The following AGAP1 variants were observed in gnomAD, a reference collection of about 807,000 sequenced individuals.
AGAP1 encodes the protein arf-GAP with GTPase, ANK repeat and PH domain-containing protein 1.
Under a neutral mutation model 105.3 loss-of-function variants are expected in AGAP1, and 29 were observed. The ratio of observed to expected loss-of-function variants is 0.28; its 90% CI spans 0.21 to 0.38. AGAP1 has a LOEUF of 0.38. AGAP1 is among the 10% of genes least tolerant of loss of function. The pLI, the probability that AGAP1 is intolerant of heterozygous loss-of-function variation, is 1.00. For missense variants in AGAP1, 998 were observed against 1,165.1 expected, an observed-to-expected ratio of 0.86 and a Z score of 2.09; for synonymous variants, 509 against 485.9, an observed-to-expected ratio of 1.05 and a Z score of -0.63.
At chr2:235,771,195 A>C (rs1955415865) in intron 6 of AGAP1, among the ~76,000 whole-genome samples, 1 of 152,220 alleles carries the variant, frequency 6.6e-6, no homozygotes, top group Non-Finnish European at 1.5e-5. Flanking sequence ...CTTTGAGAAA[A>C]TTAAGTTTCT....
Position 235,663,478 on chromosome 2 carries a change from ATC to A in AGAP1, c.164-45697_164-45696del, listed in dbSNP as rs1948028661. Among the ~76,000 whole-genome samples the A allele has an allele frequency of 6.6e-6, 1 of 152,144 alleles. No individual in the cohort carries two copies. Among genetic ancestry groups the A allele is most frequent in the Non-Finnish European group, 1.5e-5 (1 of 68,028 alleles). The stretch of plus-strand genomic sequence containing the variant: ...GGCACAGATAAAAGAGTTTTCAGAT[ATC>A]TCTGCAGCCAAATCCCAAATGGGAT... On this transcript the variant is annotated intron_variant, in intron 1 of 17. Coordinates refer to ENST00000304032, the MANE Select transcript of AGAP1 (RefSeq NM_001037131.3). This position sits in a 1 kb window ranked among gnomAD's most constrained non-coding sequence, Gnocchi z 5.4.
intron 9 of AGAP1, among the ~76,000 whole-genome samples, chr2:235,876,217 T>G (rs2049719336): frequency 6.6e-6 from 1 of 152,200 alleles, no homozygotes; most frequent in Admixed American, 6.5e-5. Context: ...CTTTTTACTA[T>G]CAATTTATGT....
At chr2:235,815,639 G>A (rs1477688290) in intron 9 of AGAP1, among the ~76,000 whole-genome samples, 2 of 152,066 alleles carry the variant, frequency 1.3e-5, no homozygotes, top group Non-Finnish European at 2.9e-5. Context: ...GTCATATAAG[G>A]TAAGGCCACT....
Position 235,622,461 on chromosome 2 carries a change from C to CA in AGAP1, c.164-86716dup, listed in dbSNP as rs1946515243. 6.6e-6 allele frequency among the ~76,000 whole-genome samples: 1 copy of CA among 152,162 alleles called. No homozygotes were observed. The highest frequency in any genetic ancestry group is 1.5e-5 in the Non-Finnish European group (1 of 68,032). On this transcript the variant is annotated intron_variant, in intron 1 of 17. Coordinates refer to ENST00000304032, the MANE Select transcript of AGAP1 (RefSeq NM_001037131.3). The surrounding 1 kb of genome is among the most constrained non-coding windows in gnomAD (Gnocchi z 5.0). ...TGGATCTAGACCTGGTGCCTGGACT[C>CA]AATCTGCAGAGACAGGTGTCTGGGA...
At chr2:235,505,543 T>TG (rs1425975355) in intron 1 of AGAP1, among the ~76,000 whole-genome samples, 2 of 152,192 alleles carry the variant, frequency 1.3e-5, no homozygotes, top group Non-Finnish European at 2.9e-5. Flanking sequence ...GCCTCTGCAC[T>TG]GGGCAGAGCG....
chr2:236,120,170 C>G lies in AGAP1; in HGVS notation c.2115-22C>G, dbSNP rs1470204722. On this transcript the variant is annotated intron_variant, in intron 16 of 17. Coordinates refer to ENST00000304032, the MANE Select transcript of AGAP1 (RefSeq NM_001037131.3). This position sits in a 1 kb window ranked among gnomAD's most constrained non-coding sequence, Gnocchi z 6.0. Reference sequence around the variant, plus strand: ...GTTCTCGGGCCTGATCGTGACTGCACCTGTCTGGTGGCTCTTTGCAGGGAA... The same window carrying G: ...GTTCTCGGGCCTGATCGTGACTGCAGCTGTCTGGTGGCTCTTTGCAGGGAA... 1.9e-6 allele frequency: 3 copies of G among 1,597,848 alleles called. No homozygotes were observed. The highest frequency in any genetic ancestry group is 4.5e-5 in the East Asian group (2 of 44,712).
chr2:235,775,717 T>C (rs114459211), intron 6 of AGAP1: 149 of 152,324 alleles, frequency 9.8e-4, no homozygotes, highest in African/African-American at 3.4e-3. Context: ...CTCTGGGGAC[T>C]TGCGGGGATG....
chr2:235,790,700 C>T (rs1432054681), intron 6 of AGAP1, among the ~76,000 whole-genome samples: 1 of 152,196 alleles, frequency 6.6e-6, no homozygotes, highest in African/African-American at 2.4e-5. Flanking sequence ...TTCTTATAAC[C>T]TTCCCACCCC....
At chr2:235,817,287 G>C (rs1240573515) in intron 9 of AGAP1, among the ~76,000 whole-genome samples, 1 of 151,890 alleles carries the variant, frequency 6.6e-6, no homozygotes, top group Admixed American at 6.6e-5. Context: ...CTATGACATG[G>C]TTCTGCTTGT....
rs2049241980 is a variant in AGAP1 at position 235,867,616 on chromosome 2, C to T, written c.1051-15729C>T. Among the ~76,000 whole-genome samples the T allele has an allele frequency of 6.6e-6, 1 of 151,216 alleles. No individual in the cohort carries two copies. Among genetic ancestry groups the T allele is most frequent in the Non-Finnish European group, 1.5e-5 (1 of 67,920 alleles). ...GACCCCCACACCAAGCACACAGGGC[C>T]ATGGATTTTCACTGTCTTGGGTCCA... On this transcript the variant is annotated intron_variant, in intron 9 of 17. Coordinates refer to ENST00000304032, the MANE Select transcript of AGAP1 (RefSeq NM_001037131.3). The surrounding 1 kb of genome is among the most constrained non-coding windows in gnomAD (Gnocchi z 5.4).
rs1951090463 is a variant in AGAP1, at chr2:235,716,083, C to T, written c.223-1474C>T. On this transcript the variant is annotated intron_variant, in intron 2 of 17. Coordinates refer to ENST00000304032, the MANE Select transcript of AGAP1 (RefSeq NM_001037131.3). This position sits in a 1 kb window ranked among gnomAD's most constrained non-coding sequence, Gnocchi z 4.0. ...GGCAGCTTTTTTTTCCCCCCACATC[C>T]AACCTTCTATCAATGAGTTATGATT... Among the ~76,000 whole-genome samples, 1 of 152,218 alleles carries T rather than the reference C, an allele frequency of 6.6e-6. No homozygotes were observed. The highest frequency in any genetic ancestry group is 2.1e-4 in the South Asian group (1 of 4,824).
intron 2 of AGAP1, among the ~76,000 whole-genome samples, chr2:235,709,591 C>T (rs956870693): frequency 2.0e-5 from 3 of 151,720 alleles, no homozygotes; most frequent in Non-Finnish European, 2.9e-5. Flanking sequence ...CGGAAGGCTC[C>T]ACACACACAC....
At position 235,719,044 on chromosome 2, in the gene AGAP1, A is replaced by G. The variant is rs1951254984; in HGVS notation, c.310+1400A>G. Reference sequence around the variant, plus strand: ...GGTTTTCCACTTATTTTCAAGGGCTAGCTATTGTAGAGGTTATACAGAGGT... The same window carrying G: ...GGTTTTCCACTTATTTTCAAGGGCTGGCTATTGTAGAGGTTATACAGAGGT... On this transcript the variant is annotated intron_variant, in intron 3 of 17. Coordinates refer to ENST00000304032, the MANE Select transcript of AGAP1 (RefSeq NM_001037131.3). This position sits in a 1 kb window ranked among gnomAD's most constrained non-coding sequence, Gnocchi z 4.9. 6.6e-6 allele frequency among the ~76,000 whole-genome samples: 1 copy of G among 152,158 alleles called. No homozygotes were observed. The highest frequency in any genetic ancestry group is 2.4e-5 in the African/African-American group (1 of 41,420).
At chr2:235,924,333 G>T (rs1370479345) in intron 11 of AGAP1, among the ~76,000 whole-genome samples, 1 of 152,030 alleles carries the variant, frequency 6.6e-6, no homozygotes, top group Non-Finnish European at 1.5e-5. Flanking sequence ...ATACTTTCTG[G>T]CTGCTCTTGT....
At chr2:235,853,643 T>G (rs2048568468) in intron 9 of AGAP1, among the ~76,000 whole-genome samples, 1 of 152,186 alleles carries the variant, frequency 6.6e-6, no homozygotes, top group Non-Finnish European at 1.5e-5. Context: ...GACTGAACAG[T>G]GATTTTGGAT....
In AGAP1 at chr2:235,655,529, G is replaced by A. The variant is rs1306650037; in HGVS notation, c.164-53650G>A. 2.0e-5 allele frequency among the ~76,000 whole-genome samples: 3 copies of A among 152,142 alleles called. No homozygotes were observed. Among genetic ancestry groups the A allele is most frequent in the Admixed American group, 2.0e-4 (3 of 15,274 alleles). On this transcript the variant is annotated intron_variant, in intron 1 of 17. Coordinates refer to ENST00000304032, the MANE Select transcript of AGAP1 (RefSeq NM_001037131.3). The surrounding 1 kb of genome is among the most constrained non-coding windows in gnomAD (Gnocchi z 4.3). Reference sequence around the variant, plus strand: ...TGATCCCTTTTCCTGTATTTCACCAGTATAATACTCCCCACTCCTAGTTGG... The same window carrying A: ...TGATCCCTTTTCCTGTATTTCACCAATATAATACTCCCCACTCCTAGTTGG...
At chr2:235,984,437 ACT>A (rs1255339856) in intron 13 of AGAP1, among the ~76,000 whole-genome samples, 1 of 149,020 alleles carries the variant, frequency 6.7e-6, no homozygotes, top group Non-Finnish European at 1.5e-5. Flanking sequence ...TCATATGGTA[ACT>A]CTGTTCAACT....
At chr2:235,995,645 G>C (rs1177328904) in intron 13 of AGAP1, among the ~76,000 whole-genome samples, 5 of 152,232 alleles carry the variant, frequency 3.3e-5, no homozygotes, top group African/African-American at 1.2e-4. Context: ...TAGCAGGGCA[G>C]CTTGACACTG....
In AGAP1 at chr2:236,120,597, A is replaced by G; in HGVS notation, c.2370+150A>G. The stretch of plus-strand genomic sequence containing the variant: ...TAATGGGAAACTCTGATTGAAGAGC[A>G]GAGGGCCTTACGGAGAGACAGCCGG... On this transcript the variant is annotated intron_variant, in intron 17 of 17. Coordinates refer to ENST00000304032, the MANE Select transcript of AGAP1 (RefSeq NM_001037131.3). The surrounding 1 kb of genome is among the most constrained non-coding windows in gnomAD (Gnocchi z 6.0). 7.0e-7 allele frequency: 1 copy of G among 1,427,144 alleles called. No homozygotes were observed. The highest frequency in any genetic ancestry group is 9.3e-7 in the Non-Finnish European group (1 of 1,076,080). The allele number at this position is 1,427,144 out of a possible 1,614,324, so 88.4% of individuals were successfully genotyped here.
Sources: allele counts gnomAD v4.1 joint callset (sites outside exome capture counted in the v4.1 genomes callset), GRCh38; gene constraint gnomAD v4.1.1; non-coding constraint Gnocchi (gnomAD v3.1); transcripts MANE v1.5; gene names NCBI Gene and HGNC (gene_info 2026-07-23, HGNC 2026-07-21).